The following TIAM1 variants were observed in gnomAD, a reference collection of about 807,000 sequenced individuals.
TIAM1 encodes the protein rho guanine nucleotide exchange factor TIAM1.
Under a neutral mutation model 163.5 loss-of-function variants are expected in TIAM1, and 65 were observed. The ratio of observed to expected loss-of-function variants is 0.40; its 90% CI spans 0.33 to 0.49. TIAM1 has a LOEUF of 0.49. TIAM1 is among the 20% of genes least tolerant of loss of function. The probability of loss-of-function intolerance (pLI) is 0.77; values close to 1 mark genes in which losing one functional copy is unlikely to be tolerated. For synonymous variants in TIAM1, 833 were observed against 810.1 expected, an observed-to-expected ratio of 1.03 and a Z score of -0.48; for missense variants, 1,789 against 2,044.7, an observed-to-expected ratio of 0.87 and a Z score of 2.41.
chr21:31,501,317 T>C (rs74969453), intron 1 of TIAM1, among the ~76,000 whole-genome samples: 1 of 151,966 alleles, frequency 6.6e-6, no homozygotes, highest in African/African-American at 2.4e-5. Context: ...GGGTGCTGGA[T>C]TTTTTTTGTT....
At chr21:31,214,454 C>A (rs1448168355) in intron 9 of TIAM1, among the ~76,000 whole-genome samples, 1 of 152,060 alleles carries the variant, frequency 6.6e-6, no homozygotes, top group East Asian at 1.9e-4. Context: ...GCCTCATATA[C>A]CTGACCAGAT....
At position 31,266,364 on chromosome 21, in the gene TIAM1, G is replaced by C. The variant is rs201442046; in HGVS notation, c.609C>G (p.Ala203=). 6.2e-7 allele frequency: 1 copy of C among 1,614,168 alleles called. No homozygotes were observed. Among genetic ancestry groups the C allele is most frequent in the Non-Finnish European group, 8.5e-7 (1 of 1,180,030 alleles). ...GAGCCTCCTCGCAGTCCTTCTCTTC[G>C]GCGGAACCCAAGATTTCTTCGTTGC... ...LTSNEEILGS[A]EEKDCEEARG... The change falls in exon 4 of 28, where the codon GCC becomes GCG. Residue 203 remains alanine (A), a synonymous_variant. Coordinates refer to ENST00000541036, the MANE Select transcript of TIAM1 (RefSeq NM_001353694.2).
intron 10 of TIAM1, among the ~76,000 whole-genome samples, chr21:31,211,312 T>C (rs2086877405): frequency 6.6e-6 from 1 of 152,156 alleles, no homozygotes; most frequent in Non-Finnish European, 1.5e-5. Flanking sequence ...TTCCTTAGAT[T>C]GATACAATGT....
At chr21:31,347,108 A>G (rs986100662), upstream of TIAM1, among the ~76,000 whole-genome samples, 3 of 152,048 alleles carry the variant, frequency 2.0e-5, no homozygotes, top group African/African-American at 7.2e-5. Flanking sequence ...CTTCTTCCCT[A>G]TCTCTCAGGC....
At chr21:31,447,857 GAGGTTAACATATCTGA>G (rs2044686343) in intron 2 of TIAM1, among the ~76,000 whole-genome samples, 1 of 152,204 alleles carries the variant, frequency 6.6e-6, no homozygotes, top group Admixed American at 6.5e-5. Context: ...TGTGATTATG[GAGGTTAACATATCTGA>G]AGATCTGCAG....
intron 2 of TIAM1, among the ~76,000 whole-genome samples, chr21:31,330,745 C>A (rs192723440): frequency 1.3e-5 from 2 of 152,234 alleles, no homozygotes; most frequent in Admixed American, 1.3e-4. Context: ...GGGAGACACA[C>A]CGAAAGAGAA....
In TIAM1 at chr21:31,154,289, C is replaced by T; in HGVS notation, c.3129G>A (p.Lys1043=). The change falls in exon 17 of 28, where the codon AAG becomes AAA. Residue 1043 remains lysine (K), a synonymous_variant. Transcript: ENST00000541036. Reference sequence around the variant, plus strand: ...CCGTCTCCAGGAGCTCGCAGATCACCTTGCGCAGCTTATCTGCATCCGAGA... The same window carrying T: ...CCGTCTCCAGGAGCTCGCAGATCACTTTGCGCAGCTTATCTGCATCCGAGA... ...RQLSDADKLR[K]VICELLETER... 6.2e-7 allele frequency: 1 copy of T among 1,614,144 alleles called. No homozygotes were observed. The highest frequency in any genetic ancestry group is 8.5e-7 in the Non-Finnish European group (1 of 1,180,016).
At chr21:31,534,154 G>A (rs528114184) in intron 1 of TIAM1, among the ~76,000 whole-genome samples, 1 of 152,308 alleles carries the variant, frequency 6.6e-6, no homozygotes, top group Admixed American at 6.5e-5. Context: ...GTACCTCCAA[G>A]GTACAAAAAC....
At chr21:31,376,293 C>T (rs965311371) in intron 2 of TIAM1, among the ~76,000 whole-genome samples, 1 of 152,098 alleles carries the variant, frequency 6.6e-6, no homozygotes, top group Non-Finnish European at 1.5e-5. Flanking sequence ...CAGTCTCTGA[C>T]CATAACACCA....
intron 2 of TIAM1, among the ~76,000 whole-genome samples, chr21:31,451,795 G>A (rs2044869615): frequency 6.6e-6 from 1 of 151,988 alleles, no homozygotes; most frequent in Admixed American, 6.6e-5. Context: ...GAGAGATAAA[G>A]AGAGAGTGAG....
intron 2 of TIAM1, among the ~76,000 whole-genome samples, chr21:31,391,815 T>A (rs929307055): frequency 3.9e-5 from 6 of 152,306 alleles, no homozygotes; most frequent in African/African-American, 1.2e-4. Flanking sequence ...TAACTTTTTT[T>A]AAAATTAAAA....
intron 2 of TIAM1, among the ~76,000 whole-genome samples, chr21:31,295,728 G>A (rs190996607): frequency 0.011 from 1,686 of 152,242 alleles, 13 homozygotes; most frequent in Middle Eastern, 0.027. Flanking sequence ...TTCAATAGAT[G>A]CCCTTAACAG....
chr21:31,320,855 G>A, intron 2 of TIAM1, among the ~76,000 whole-genome samples: 1 of 152,160 alleles, frequency 6.6e-6, no homozygotes, highest in Non-Finnish European at 1.5e-5. Flanking sequence ...TAGCCAGCGT[G>A]GTGGCACACA....
intron 2 of TIAM1, chr21:31,452,983 G>A (rs575344834): frequency 4.0e-6 from 2 of 501,748 alleles, no homozygotes; most frequent in African/African-American, 2.0e-5. Flanking sequence ...GAAAAGTTAT[G>A]GAAGAAAAAC....
chr21:31,316,079 A>G lies in TIAM1; in HGVS notation c.-189+23164T>C, dbSNP rs2075115256. 2.0e-5 allele frequency among the ~76,000 whole-genome samples: 3 copies of G among 152,224 alleles called. No homozygotes were observed. In the South Asian group the frequency reaches 6.2e-4, roughly 31 times the overall value. On this transcript the variant is annotated intron_variant, in intron 2 of 27. Coordinates refer to ENST00000541036, the MANE Select transcript of TIAM1 (RefSeq NM_001353694.2). ...TCAATAACCTTCACTCATTTCTTCT[A>G]CATATTGAGTGCCTACCAAGGGTGA...
chr21:31,431,804 A>C (rs2147280362), intron 2 of TIAM1, among the ~76,000 whole-genome samples: 1 of 152,292 alleles, frequency 6.6e-6, no homozygotes, highest in South Asian at 2.1e-4. Context: ...GTATCTAAAC[A>C]TATCCCAATA....
intron 2 of TIAM1, among the ~76,000 whole-genome samples, chr21:31,384,890 G>A (rs981139977): frequency 6.6e-6 from 1 of 152,130 alleles, no homozygotes; most frequent in Non-Finnish European, 1.5e-5. Flanking sequence ...TTAAGCCCAT[G>A]ACATCAGGAC....
At chr21:31,452,630 C>G (rs1193372305) in intron 2 of TIAM1, 1 of 494,388 alleles carries the variant, frequency 2.0e-6, no homozygotes, top group African/African-American at 2.0e-5. Context: ...AAAGACTTAT[C>G]CATAATATTT....
intron 15 of TIAM1, among the ~76,000 whole-genome samples, chr21:31,178,102 T>C (rs1052145342): frequency 1.1e-4 from 17 of 152,230 alleles, no homozygotes; most frequent in African/African-American, 4.1e-4. Context: ...TACTGCTTTA[T>C]CTCTGCCCCA....
Sources: allele counts gnomAD v4.1 joint callset (sites outside exome capture counted in the v4.1 genomes callset), GRCh38; gene constraint gnomAD v4.1.1; transcripts MANE v1.5; gene names NCBI Gene and HGNC (gene_info 2026-07-23, HGNC 2026-07-21).